The following CDH12 variants were observed in gnomAD, a reference collection of about 807,000 sequenced individuals.
CDH12 encodes cadherin-12.
In CDH12, 41 loss-of-function variants were observed where a neutral mutation model predicts 74.1. The observed-to-expected ratio is 0.55, with a 90% CI of 0.43 to 0.72. The LOEUF is 0.72. Ranked by LOEUF, CDH12 falls within the 30% of genes least tolerant of loss-of-function variation. The pLI is 0.00. For synonymous variants in CDH12, 399 were observed against 355.0 expected (o/e 1.12, Z -1.39); for missense variants, 945 against 977.2 (o/e 0.97, Z 0.44).
chr5:22,512,501 A>C (rs1580721587), intron 1 of CDH12, among the ~76,000 whole-genome samples: 1 of 152,186 alleles, frequency 6.6e-6, no homozygotes, highest in African/African-American at 2.4e-5. Flanking sequence ...GGGTAAGTAC[A>C]GTCTGCAAGA....
At chr5:22,836,933 A>C (rs1251530572) in intron 1 of CDH12, among the ~76,000 whole-genome samples, 2 of 152,218 alleles carry the variant, frequency 1.3e-5, no homozygotes, top group Non-Finnish European at 2.9e-5. Context: ...TTAATGAGAG[A>C]TATAAATTGA....
At chr5:22,404,217 T>A (rs993798455) in intron 3 of CDH12, among the ~76,000 whole-genome samples, 1 of 151,954 alleles carries the variant, frequency 6.6e-6, no homozygotes, top group African/African-American at 2.4e-5. Context: ...TTTTTTGAGG[T>A]CTGGCAATCT....
At chr5:21,969,419 G>A (rs985685919) in intron 6 of CDH12, among the ~76,000 whole-genome samples, 11 of 152,190 alleles carry the variant, frequency 7.2e-5, no homozygotes, top group African/African-American at 2.7e-4. Flanking sequence ...CAGAAGGGAT[G>A]TGATGTCACT....
At chr5:22,249,828 TGCA>T in intron 3 of CDH12, among the ~76,000 whole-genome samples, 1 of 152,006 alleles carries the variant, frequency 6.6e-6, no homozygotes, top group Non-Finnish European at 1.5e-5. Flanking sequence ...TTTGTTGTAT[TGCA>T]TATTTTAATT....
At chr5:22,794,882 G>C (rs1748105467) in intron 1 of CDH12, among the ~76,000 whole-genome samples, 1 of 152,098 alleles carries the variant, frequency 6.6e-6, no homozygotes, top group South Asian at 2.1e-4. Flanking sequence ...CAGATTCAAA[G>C]TAAGAGAGGA....
intron 4 of CDH12, among the ~76,000 whole-genome samples, chr5:22,204,007 A>G (rs1442102225): frequency 6.6e-6 from 1 of 152,226 alleles, no homozygotes; most frequent in East Asian, 1.9e-4. Flanking sequence ...AGCAAAGGAA[A>G]CAATCCACAG....
In CDH12 at chr5:22,554,340, T is replaced by C. The variant is rs148484379; in HGVS notation, c.-522-48976A>G. ...ATAATGATGTGTCCATGTAGGTTTA[T>C]TAATTGTGACAAAAGTACCACTCTG... On this transcript the variant is annotated intron_variant, in intron 1 of 14. Transcript: ENST00000382254. Among the ~76,000 whole-genome samples, 532 of 152,234 alleles carry C rather than the reference T, an allele frequency of 3.5e-3. 5 individuals carry two copies. The highest frequency in any genetic ancestry group is 0.012 in the African/African-American group (501 of 41,550).
chr5:22,733,101 A>G (rs1274879827), intron 1 of CDH12, among the ~76,000 whole-genome samples: 1 of 151,936 alleles, frequency 6.6e-6, no homozygotes, highest in Non-Finnish European at 1.5e-5. Flanking sequence ...AGAATCCAGA[A>G]CAGATAATGA....
At chr5:21,841,100 G>T (rs1286783390) in intron 8 of CDH12, among the ~76,000 whole-genome samples, 2 of 152,038 alleles carry the variant, frequency 1.3e-5, no homozygotes, top group South Asian at 2.1e-4. Flanking sequence ...ATTTTCGCAA[G>T]CTACTCATCT....
chr5:22,814,962 G>C (rs1044595497), intron 1 of CDH12, among the ~76,000 whole-genome samples: 6 of 152,090 alleles, frequency 3.9e-5, no homozygotes, highest in African/African-American at 1.4e-4. Context: ...AGCTTCAGAA[G>C]AGAAAATAAA....
intron 10 of CDH12, among the ~76,000 whole-genome samples, chr5:21,795,767 C>T (rs1459914375): frequency 6.6e-6 from 1 of 151,966 alleles, no homozygotes; most frequent in East Asian, 1.9e-4. Flanking sequence ...TCTTCTCTCT[C>T]CCAAAGTGTG....
At chr5:22,244,084 C>CA (rs1218366866) in intron 3 of CDH12, among the ~76,000 whole-genome samples, 1 of 150,096 alleles carries the variant, frequency 6.7e-6, no homozygotes, top group African/African-American at 2.5e-5. Context: ...AAGCAGAGAT[C>CA]AAAAAAGGCA....
intron 1 of CDH12, among the ~76,000 whole-genome samples, chr5:22,687,513 T>C (rs1480747688): frequency 6.6e-6 from 1 of 152,128 alleles, no homozygotes; most frequent in Non-Finnish European, 1.5e-5. Context: ...GCTCAAGTGA[T>C]CCTTCTGCCT....
At chr5:22,254,074 G>A (rs1217298935) in intron 3 of CDH12, among the ~76,000 whole-genome samples, 1 of 151,798 alleles carries the variant, frequency 6.6e-6, no homozygotes, top group African/African-American at 2.4e-5. Context: ...CTCTTTTCAA[G>A]AGAGTCAAAT....
intron 5 of CDH12, among the ~76,000 whole-genome samples, chr5:22,071,287 A>C (rs1429423507): frequency 6.6e-6 from 1 of 152,172 alleles, no homozygotes; most frequent in Admixed American, 6.5e-5. Context: ...TAAACTGAGA[A>C]TATCAACAGG....
chr5:22,080,969 C>T (rs531793165), intron 4 of CDH12, among the ~76,000 whole-genome samples: 12 of 151,786 alleles, frequency 7.9e-5, no homozygotes, highest in East Asian at 3.9e-4. Flanking sequence ...TTAGTAGAGA[C>T]GGGGTTTCAC....
intron 5 of CDH12, among the ~76,000 whole-genome samples, chr5:21,984,514 C>T (rs1054111909): frequency 2.6e-5 from 4 of 152,136 alleles, no homozygotes; most frequent in African/African-American, 4.8e-5. Context: ...TGTAAACACT[C>T]GCATGTAGCT....
chr5:21,905,650 T>C (rs1048053860), intron 6 of CDH12, among the ~76,000 whole-genome samples: 2 of 152,210 alleles, frequency 1.3e-5, no homozygotes, highest in African/African-American at 4.8e-5. Flanking sequence ...TGTTTTTTGT[T>C]TTCCTGGACT....
chr5:21,894,010 G>T (rs1365865714), intron 6 of CDH12, among the ~76,000 whole-genome samples: 1 of 152,168 alleles, frequency 6.6e-6, no homozygotes, highest in African/African-American at 2.4e-5. Context: ...GCTGAGTTAG[G>T]TGCTAGTCCA....
Sources: allele counts gnomAD v4.1 joint callset (sites outside exome capture counted in the v4.1 genomes callset), GRCh38; gene constraint gnomAD v4.1.1; transcripts MANE v1.5; gene names NCBI Gene and HGNC (gene_info 2026-07-23, HGNC 2026-07-21).